MVB12A: variants seen among roughly 807,000 people sequenced by gnomAD.
The protein encoded by MVB12A is multivesicular body subunit 12A, also known as CIN85/CD2AP family binding protein.
In MVB12A, 30 loss-of-function variants were observed where a neutral mutation model predicts 34.3. That is an observed-to-expected ratio of 0.88 (90% confidence interval 0.65 to 1.19). The LOEUF is 1.19. Ranked by LOEUF, MVB12A falls within the 50% of genes most tolerant of loss-of-function variation. The pLI, the probability that MVB12A is intolerant of heterozygous loss-of-function variation, is 0.00. For synonymous variants in MVB12A, 158 were observed against 158.9 expected (o/e 0.99, Z 0.04); for missense variants, 355 against 369.2 (o/e 0.96, Z 0.31).
chr19:17,406,940 A>G (rs1444888429), intron 2 of MVB12A, among the ~76,000 whole-genome samples: 1 of 152,184 alleles, frequency 6.6e-6, no homozygotes, highest in African/African-American at 2.4e-5. Flanking sequence ...CCAGGACTCC[A>G]GGTGCAAAGA....
At position 17,423,786 on chromosome 19, in the gene MVB12A, C is replaced by T; in HGVS notation, c.627C>T (p.Leu209=). 1.2e-6 allele frequency: 2 copies of T among 1,613,986 alleles called. No individual in the cohort carries two copies. Among genetic ancestry groups the T allele is most frequent in the East Asian group, 4.5e-5 (2 of 44,888 alleles). The part of the protein sequence containing the change: ...RNDSIYEASS[L]YGISAMDGVP... Reference sequence around the variant, plus strand: ...ACTCCATCTACGAGGCCTCCAGCCTCTATGGCATCTCAGGTGAGCACAGAG... The same window carrying T: ...ACTCCATCTACGAGGCCTCCAGCCTTTATGGCATCTCAGGTGAGCACAGAG... Residue 209 remains leucine, a synonymous_variant, in exon 6 of 9, where the codon CTC becomes CTT. Transcript: ENST00000317040.
At chr19:17,406,994 G>A (rs781358958) in intron 2 of MVB12A, among the ~76,000 whole-genome samples, 1 of 152,126 alleles carries the variant, frequency 6.6e-6, no homozygotes, top group Non-Finnish European at 1.5e-5. Context: ...ACTTATTTGA[G>A]CAGCACTGTT....
At chr19:17,424,726 G>T (rs2074859703) in intron 8 of MVB12A, 49 bp downstream of exon 8, 2 of 1,556,380 alleles carry the variant, frequency 1.3e-6, no homozygotes, top group Non-Finnish European at 1.7e-6. Flanking sequence ...GGGAGGAGGT[G>T]CCTGAGGGGC....
At chr19:17,413,614 G>A (rs965385761) in intron 2 of MVB12A, among the ~76,000 whole-genome samples, 3 of 152,014 alleles carry the variant, frequency 2.0e-5, no homozygotes, top group Non-Finnish European at 4.4e-5. Flanking sequence ...AGCCCAAGGG[G>A]TAGGAGGGTC....
chr19:17,420,268 C>A, intron 1 of MVB12A, 43 bp downstream of exon 1: 1 of 1,543,450 alleles, frequency 6.5e-7, no homozygotes, highest in Non-Finnish European at 8.7e-7. Flanking sequence ...GGGAGGCAGT[C>A]GCTGTGGGGT....
upstream of MVB12A, chr19:17,419,006 A>G (rs1172229900): frequency 6.6e-6 from 1 of 151,992 alleles, no homozygotes; most frequent in Non-Finnish European, 1.5e-5. Context: ...AATCACCACA[A>G]ACTGGAACAG....
rs532117103 is a variant in MVB12A, at chr19:17,410,313, T to A, written c.-5+4017T>A. 5.4e-5 allele frequency among the ~76,000 whole-genome samples: 8 copies of A among 147,094 alleles called. No homozygotes were observed. In the East Asian group the frequency reaches 1.7e-3, roughly 31 times the overall value. On this transcript the variant is annotated intron_variant, in intron 2 of 6. Coordinates refer to the MVB12A transcript ENST00000528604. ...AGCCTCTGGCGTAGCTGGGACTATA[T>A]GTGTGCACCACCACGCCCAGCTAAT...
chr19:17,422,204 C>T (rs749084325), intron 3 of MVB12A, 128 bp from the exon 4 acceptor site: 5 of 763,948 alleles, frequency 6.5e-6, no homozygotes, highest in African/African-American at 1.7e-5. Flanking sequence ...TCCTCCCACC[C>T]CCATCCCCAA....
chr19:17,410,555 CACAT>C (rs1452650645), intron 2 of MVB12A, among the ~76,000 whole-genome samples: 1 of 129,382 alleles, frequency 7.7e-6, no homozygotes, highest in Non-Finnish European at 1.6e-5. Flanking sequence ...TATATACACA[CACAT>C]ATATATACAT....
intron 6 of MVB12A, 103 bp from the exon 7 acceptor site, chr19:17,423,903 A>T: frequency 1.9e-6 from 3 of 1,569,174 alleles, no homozygotes; most frequent in Non-Finnish European, 2.6e-6. Flanking sequence ...CCAACTCTGG[A>T]TTCTGTAAAG....
chr19:17,420,582 C>G lies in MVB12A; in HGVS notation c.234C>G (p.Asp78Glu). The G allele has an allele frequency of 6.2e-7, 1 of 1,614,054 alleles. No individual in the cohort carries two copies. Among genetic ancestry groups the G allele is most frequent in the Non-Finnish European group, 8.5e-7 (1 of 1,179,944 alleles). The stretch of plus-strand genomic sequence containing the variant: ...TGGCCGATATCCAGATCGTGGTGGA[C>G]AAGAGCCCCCTGCCGCTGGGCTTCT... Reference protein sequence around the residue: ...NVVADIQIVVDKSPLPLGFSP... With the variant: ...NVVADIQIVVEKSPLPLGFSP... Residue 78 changes from aspartate to glutamate, a missense_variant, in exon 3 of 9, where the codon GAC becomes GAG. Transcript: ENST00000317040.
intron 3 of MVB12A, chr19:17,421,807 G>T (rs2074840163): frequency 6.6e-6 from 1 of 152,204 alleles, no homozygotes; most frequent in African/African-American, 2.4e-5. Context: ...TGGGCATGGT[G>T]GTGGGCGCCT....
In MVB12A at chr19:17,408,262, T is replaced by C. The variant is rs975537942; in HGVS notation, c.-5+1966T>C. On this transcript the variant is annotated intron_variant, in intron 2 of 6. Transcript: ENST00000528604. ...CCGCCCACAATTACAAATGGTGGGA[T>C]GGGTGCAGTGGCTCATGCCTGCAAT... Among the ~76,000 whole-genome samples the C allele has an allele frequency of 3.9e-5, 6 of 152,062 alleles. 1 individual carries two copies. The highest frequency in any genetic ancestry group is 1.4e-4 in the African/African-American group (6 of 41,498).
intron 4 of MVB12A, among the ~76,000 whole-genome samples, chr19:17,423,191 T>TAAAA (rs895549170): frequency 1.4e-4 from 15 of 106,658 alleles, no homozygotes; most frequent in Admixed American, 3.9e-4. Context: ...CGTTTCTACT[T>TAAAA]AAAAAAAAAA....
At chr19:17,410,523 T>TACACACACACACACACAC (rs2074759302) in intron 2 of MVB12A, among the ~76,000 whole-genome samples, 1 of 71,594 alleles carries the variant, frequency 1.4e-5, no homozygotes, top group Non-Finnish European at 2.7e-5. Context: ...TATATATATA[T>TACACACACACACACACAC]ATATATACAC....
At position 17,423,787 on chromosome 19, in the gene MVB12A, T is replaced by C. The variant is rs201242495; in HGVS notation, c.628T>C (p.Tyr210His). Residue 210 changes from tyrosine to histidine, a missense_variant, in exon 6 of 9, where the codon TAT becomes CAT. Tyr to His is a moderately conservative substitution (Grantham distance 83, BLOSUM62 2). Coordinates refer to ENST00000317040, the MANE Select transcript of MVB12A (RefSeq NM_138401.4). ...NDSIYEASSL[Y>H]GISAMDGVPF... ...CTCCATCTACGAGGCCTCCAGCCTC[T>C]ATGGCATCTCAGGTGAGCACAGAGT... The C allele has an allele frequency of 1.9e-6, 3 of 1,613,910 alleles. No homozygotes were observed. Among genetic ancestry groups the C allele is most frequent in the East Asian group, 4.5e-5 (2 of 44,878 alleles).
chr19:17,421,367 A>T (rs1193951304), intron 3 of MVB12A, among the ~76,000 whole-genome samples: 1 of 151,664 alleles, frequency 6.6e-6, no homozygotes, highest in Non-Finnish European at 1.5e-5. Context: ...TATTTTTAGT[A>T]GAGACGGGGT....
Position 17,424,635 on chromosome 19 carries a change from T to G in MVB12A, c.717T>G (p.Phe239Leu), listed in dbSNP as rs776159455. 1 of 1,612,816 alleles carries G rather than the reference T, an allele frequency of 6.2e-7. No individual in the cohort carries two copies. Among genetic ancestry groups the G allele is most frequent in the East Asian group, 2.2e-5 (1 of 44,812 alleles). The change falls in exon 8 of 9, where the codon TTT becomes TTG. Residue 239 changes from phenylalanine (F) to leucine (L), a missense_variant. Phe to Leu is a conservative substitution (Grantham distance 22). Transcript: ENST00000317040. ...KSCSPLAFSA[F>L]GDLTIKSLAD... The stretch of plus-strand genomic sequence containing the variant: ...CTGCCCGCCAGGCCTTCTCTGCTTT[T>G]GGGGACCTGACCATCAAGTCTCTGG...
At chr19:17,408,608 G>A (rs982035293) in intron 2 of MVB12A, among the ~76,000 whole-genome samples, 2 of 150,106 alleles carry the variant, frequency 1.3e-5, no homozygotes, top group Non-Finnish European at 1.5e-5. Context: ...CGCCATGCCT[G>A]GCTTATTTTT....
Sources: allele counts gnomAD v4.1 joint callset (sites outside exome capture counted in the v4.1 genomes callset), GRCh38; gene constraint gnomAD v4.1.1; transcripts MANE v1.5; gene names NCBI Gene and HGNC (gene_info 2026-07-23, HGNC 2026-07-21).